Variants in GAS6 observed in about 807,000 individuals in gnomAD.
The protein encoded by GAS6 is growth arrest-specific protein 6.
Under a neutral mutation model 75.8 loss-of-function variants are expected in GAS6, and 41 were observed. The observed-to-expected ratio is 0.54, with a 90% CI of 0.42 to 0.70. The LOEUF is 0.70. Ranked by LOEUF, GAS6 falls within the 30% of genes least tolerant of loss-of-function variation. GAS6 has a pLI of 0.00. For missense variants in GAS6, 854 were observed against 940.2 expected (o/e 0.91, Z 1.20); for synonymous variants, 432 against 412.6 (o/e 1.05, Z -0.57).
At chr13:113,857,554 A>G (rs1288262641) in intron 2 of GAS6, among the ~76,000 whole-genome samples, 2 of 152,166 alleles carry the variant, frequency 1.3e-5, no homozygotes, top group African/African-American at 2.4e-5. Context: ...CTTAGAAAAC[A>G]GGGGAAAATG....
At chr13:113,835,358 A>G (rs2051688918) in intron 7 of GAS6, among the ~76,000 whole-genome samples, 155 bp downstream of exon 7, 1 of 151,630 alleles carries the variant, frequency 6.6e-6, no homozygotes, top group African/African-American at 2.4e-5. Flanking sequence ...GCATGGTGGT[A>G]GCACAGGCCA....
chr13:113,822,764 T>C (rs13378808), intron 13 of GAS6: 30,901 of 153,440 alleles, frequency 0.2, 3,624 homozygotes, highest in South Asian at 0.46. Context: ...TTGGAGAACG[T>C]GAGCCTCTCT....
At position 113,834,562 on chromosome 13, in the gene GAS6, C is replaced by T. The variant is rs1290253543; in HGVS notation, c.823G>A (p.Asp275Asn). 5 of 1,591,402 alleles carry T rather than the reference C, an allele frequency of 3.1e-6. No homozygotes were observed. The East Asian group carries it at 1.1e-4, about 37-fold the overall frequency. ...RGGLKLSQDMDTCEDILPCVP... is the reference protein window; with the variant it reads ...RGGLKLSQDMNTCEDILPCVP... ...CAGGGGCCGCCTACCTCACAGGTGT[C>T]CATGTCCTGGGACAGCTTGAGGCCC... The change falls in exon 8 of 15, where the codon GAC becomes AAC. Residue 275 changes from aspartate (D) to asparagine (N), a missense_variant. By Grantham distance (23) the Asp-to-Asn change is conservative. Transcript: ENST00000327773.
chr13:113,822,026 T>C lies in GAS6; in HGVS notation c.1814A>G (p.Gln605Arg), dbSNP rs1220644179. 2.5e-6 allele frequency: 4 copies of C among 1,569,084 alleles called. No homozygotes were observed. The highest frequency in any genetic ancestry group is 3.5e-6 in the Non-Finnish European group (4 of 1,159,074). Reference protein sequence around the residue: ...GQSEVSAAQLQERLAVLERHL... With the variant: ...GQSEVSAAQLRERLAVLERHL... ...CCTCTCGAGCACGGCCAGCCTCTCC[T>C]GCAGCTGCGCGGCGCTCACCTCGCT... Residue 605 changes from glutamine (Q) to arginine (R), a missense_variant, in exon 14 of 15, where the codon CAG (glutamine) becomes CGG (arginine). Physicochemically the swap from Gln to Arg is conservative, Grantham distance 43. Coordinates refer to ENST00000327773, the MANE Select transcript of GAS6 (RefSeq NM_000820.4).
Position 113,835,984 on chromosome 13 carries a change from C to T in GAS6, c.590-349G>A, listed in dbSNP as rs2051698553. ...ACACGGGGCCGTAAAAAGTAACCCC[C>T]CGGGGGCATTTGAAACTAAAACCCC... On this transcript the variant is annotated intron_variant, in intron 6 of 14. Transcript: ENST00000327773. 3.7e-6 allele frequency: 4 copies of T among 1,067,996 alleles called. No individual in the cohort carries two copies. The East Asian group carries it at 2.0e-4, about 52-fold the overall frequency. The allele number at this position is 1,067,996 out of a possible 1,614,324, so 66.2% of individuals were successfully genotyped here.
intron 2 of GAS6, among the ~76,000 whole-genome samples, chr13:113,852,219 G>C (rs113651271): frequency 6.6e-6 from 1 of 152,248 alleles, no homozygotes; most frequent in African/African-American, 2.4e-5. Context: ...GCTACTGTTA[G>C]TGTTAATTTT....
chr13:113,826,577 G>GCCAGC (rs1566354792), intron 12 of GAS6, among the ~76,000 whole-genome samples: 5 of 29,466 alleles, frequency 1.7e-4, no homozygotes, highest in African/African-American at 1.6e-3. Flanking sequence ...GCCTCCCGGC[G>GCCAGC]CTGGCCTCGC....
At chr13:113,842,060 GTACGCCCCAGTTTCCTCCA>G (rs764337008) in intron 4 of GAS6, 2,212 of 84,412 alleles carry the variant, frequency 0.026, 91 homozygotes, top group Middle Eastern at 0.048. Context: ...AATTTCCTTT[GTACGCCCCAGTTTCCTCCA>G]TACGCCCCAG....
chr13:113,857,238 T>C (rs983501681), intron 2 of GAS6, among the ~76,000 whole-genome samples: 6 of 152,238 alleles, frequency 3.9e-5, no homozygotes, highest in African/African-American at 1.4e-4. Flanking sequence ...ACTATTTCTT[T>C]TGAATATTAT....
chr13:113,837,931 TA>T lies in GAS6; in HGVS notation c.589+137del. ...GTGCTGCGGCTGGCCTGGGCTTGTG[TA>T]GTCTCTGCAGGATGCCCCATCCCAT... On this transcript the variant is annotated intron_variant, in intron 6 of 14. Transcript: ENST00000327773. The surrounding 1 kb of genome is among the most constrained non-coding windows in gnomAD (Gnocchi z 5.1). 1.0e-6 allele frequency: 1 copy of T among 996,302 alleles called. No individual in the cohort carries two copies. The highest frequency in any genetic ancestry group is 2.5e-5 in the East Asian group (1 of 40,512). 61.7% of individuals were successfully genotyped at this position (996,302 alleles called of 1,614,324 possible).
chr13:113,832,439 G>A lies in GAS6; in HGVS notation c.1003C>T (p.Leu335Phe), dbSNP rs944398250. Residue 335 changes from leucine to phenylalanine, a missense_variant, in exon 10 of 15, where the codon CTC becomes TTC. By Grantham distance (22) the Leu-to-Phe change is conservative. Coordinates refer to ENST00000327773, the MANE Select transcript of GAS6 (RefSeq NM_000820.4). Reference sequence around the variant, plus strand: ...CTGTCCTGGTGGCCTCCGGCAAAGAGGAGGATGCCCTCGGGGTCAAAGGTC... The same window carrying A: ...CTGTCCTGGTGGCCTCCGGCAAAGAAGAGGATGCCCTCGGGGTCAAAGGTC... ...FRTFDPEGILLFAGGHQDSTW... is the reference protein window; with the variant it reads ...FRTFDPEGILFFAGGHQDSTW... 25 of 1,609,060 alleles carry A rather than the reference G, an allele frequency of 1.6e-5. No individual in the cohort carries two copies. Among genetic ancestry groups the A allele is most frequent in the Non-Finnish European group, 2.1e-5 (25 of 1,177,220 alleles).
At position 113,863,556 on chromosome 13, in the gene GAS6, C is replaced by T; in HGVS notation, c.255+19G>A. ...CGGGCGCCAGGGGTTCCCCCGCATC[C>T]CGCCCGCCGGCTGCTCACCGTCTCG... On this transcript the variant is annotated intron_variant, in intron 2 of 14. Transcript: ENST00000327773. This position sits in a 1 kb window ranked among gnomAD's most constrained non-coding sequence, Gnocchi z 9.4. 2.0e-6 allele frequency: 3 copies of T among 1,500,136 alleles called. No homozygotes were observed. Among genetic ancestry groups the T allele is most frequent in the South Asian group, 2.5e-5 (2 of 80,950 alleles). The allele number at this position is 1,500,136 out of a possible 1,614,324, so 92.9% of individuals were successfully genotyped here.
chr13:113,828,811 T>C (rs191092634), intron 10 of GAS6, 100 bp from the exon 11 acceptor site: 2 of 1,394,758 alleles, frequency 1.4e-6, no homozygotes, highest in East Asian at 2.3e-5. Flanking sequence ...GCCAAGAGGG[T>C]CCCGACCTCG....
intron 12 of GAS6, among the ~76,000 whole-genome samples, chr13:113,826,340 C>T (rs1238888849): frequency 1.3e-5 from 2 of 152,258 alleles, no homozygotes; most frequent in Non-Finnish European, 2.9e-5. Flanking sequence ...GCTGTGCTGT[C>T]TCCGGACTTT....
intron 8 of GAS6, chr13:113,833,767 G>T (rs547481506): frequency 9.8e-7 from 1 of 1,016,534 alleles, no homozygotes; most frequent in Admixed American, 6.1e-5. Flanking sequence ...ACAGGTCGGT[G>T]TGAGACACTG....
At chr13:113,826,344 G>A (rs1039365638) in intron 12 of GAS6, among the ~76,000 whole-genome samples, 5 of 152,186 alleles carry the variant, frequency 3.3e-5, no homozygotes, top group Non-Finnish European at 5.9e-5. Flanking sequence ...TGCTGTCTCC[G>A]GACTTTCTGC....
At chr13:113,841,368 C>T (rs1391396070) in intron 4 of GAS6, 1 of 152,874 alleles carries the variant, frequency 6.5e-6, no homozygotes, top group African/African-American at 2.4e-5. Context: ...AGCTGCCCAA[C>T]CACACTGGCT....
intron 6 of GAS6, chr13:113,835,850 G>A: frequency 1.5e-6 from 2 of 1,370,132 alleles, no homozygotes; most frequent in Non-Finnish European, 1.9e-6. Flanking sequence ...CGGCTGGGAA[G>A]GCTGACTTCA....
intron 2 of GAS6, among the ~76,000 whole-genome samples, chr13:113,859,691 C>A (rs1041241198): frequency 6.6e-6 from 1 of 151,908 alleles, no homozygotes; most frequent in Non-Finnish European, 1.5e-5. Flanking sequence ...TGTGTGTGTC[C>A]CTGCACACCT....
Sources: allele counts gnomAD v4.1 joint callset (sites outside exome capture counted in the v4.1 genomes callset), GRCh38; gene constraint gnomAD v4.1.1; non-coding constraint Gnocchi (gnomAD v3.1); transcripts MANE v1.5; gene names NCBI Gene and HGNC (gene_info 2026-07-23, HGNC 2026-07-21).